The following SLC2A8 variants were observed in gnomAD, a reference collection of about 807,000 sequenced individuals.
SLC2A8 encodes solute carrier family 2 member 8, also known as solute carrier family 2, facilitated glucose transporter member 8.
SLC2A8 carries 53 observed loss-of-function variants against 49.2 expected under a neutral mutation model. The ratio of observed to expected loss-of-function variants is 1.08; its 90% confidence interval spans 0.86 to 1.35. SLC2A8 has a LOEUF of 1.35. Among genes scored for constraint, SLC2A8 ranks in the 40% most tolerant of loss-of-function variants. The pLI, the probability that SLC2A8 is intolerant of heterozygous loss-of-function variation, is 0.00. For missense variants in SLC2A8, 688 were observed against 671.7 expected, an observed-to-expected ratio of 1.02 and a Z score of -0.27; for synonymous variants, 299 against 297.0, an observed-to-expected ratio of 1.01 and a Z score of -0.07.
intron 2 of SLC2A8, among the ~76,000 whole-genome samples, 166 bp downstream of exon 2, chr9:127,397,704 C>T (rs533721268): frequency 7.9e-4 from 120 of 152,186 alleles, no homozygotes; most frequent in African/African-American, 2.8e-3. Flanking sequence ...CCCCCCATCC[C>T]TTCCCTCGGG....
chr9:127,406,965 C>A, intron 9 of SLC2A8, 147 bp from the exon 10 acceptor site: 2 of 841,324 alleles, frequency 2.4e-6, no homozygotes, highest in African/African-American at 1.7e-5. Flanking sequence ...TGTCCCAGAG[C>A]TGGGTGGAGA....
Position 127,399,060 on chromosome 9 carries a change from A to T in SLC2A8, c.427-847A>T, listed in dbSNP as rs1178811719. On this transcript the variant is annotated intron_variant, in intron 3 of 9. Coordinates refer to ENST00000373371, the MANE Select transcript of SLC2A8 (RefSeq NM_014580.5). The surrounding 1 kb of genome is among the most constrained non-coding windows in gnomAD (Gnocchi z 4.2). ...CACACCTGTGTTAGGGGCCTAAGCT[A>T]TGGAATAACCTTAGATGCATGGGTG... 6.6e-6 allele frequency among the ~76,000 whole-genome samples: 1 copy of T among 152,166 alleles called. No homozygotes were observed. Among genetic ancestry groups the T allele is most frequent in the Non-Finnish European group, 1.5e-5 (1 of 68,028 alleles).
At position 127,406,205 on chromosome 9, in the gene SLC2A8, C is replaced by T. The variant is rs140605223; in HGVS notation, c.1296+640C>T. 4.0e-3 allele frequency among the ~76,000 whole-genome samples: 604 copies of T among 152,302 alleles called. 3 individuals carry two copies. The highest frequency in any genetic ancestry group is 6.5e-3 in the Non-Finnish European group (442 of 68,028). ...GGCCCATTCAAGGCGCCAGGGAGAGCAATGAACAAGATGGACAGGGTCCCC... is the reference window on the plus strand; with the variant it reads ...GGCCCATTCAAGGCGCCAGGGAGAGTAATGAACAAGATGGACAGGGTCCCC... On this transcript the variant is annotated intron_variant, in intron 9 of 9. Coordinates refer to ENST00000373371, the MANE Select transcript of SLC2A8 (RefSeq NM_014580.5).
At chr9:127,404,478 G>A (rs995641540) in intron 7 of SLC2A8, 17 of 315,864 alleles carry the variant, frequency 5.4e-5, no homozygotes, top group African/African-American at 2.6e-4. Flanking sequence ...GGTGATCCAC[G>A]TGAGGCCTTC....
chr9:127,406,538 A>C lies in SLC2A8; in HGVS notation c.1297-574A>C, dbSNP rs374586720. On this transcript the variant is annotated intron_variant, in intron 9 of 9. Transcript: ENST00000373371. ...AGAAAATGTCCAAGAGGCCAAGAGAAGGCCTTCGAGGAGGGAGAGATCGCC... is the reference window on the plus strand; with the variant it reads ...AGAAAATGTCCAAGAGGCCAAGAGACGGCCTTCGAGGAGGGAGAGATCGCC... 9.9e-4 allele frequency among the ~76,000 whole-genome samples: 137 copies of C among 138,474 alleles called. 1 individual carries two copies. The highest frequency in any genetic ancestry group is 3.5e-3 in the African/African-American group (134 of 38,684). 90.8% of individuals were successfully genotyped at this position (138,474 alleles called of 152,430 possible).
At chr9:127,401,494 T>C (rs1833289761) in intron 4 of SLC2A8, among the ~76,000 whole-genome samples, 1 of 152,240 alleles carries the variant, frequency 6.6e-6, no homozygotes, top group Admixed American at 6.5e-5. Flanking sequence ...CTGCCAGCGA[T>C]CTGGCTACCT....
intron 4 of SLC2A8, among the ~76,000 whole-genome samples, chr9:127,400,225 G>C (rs552260479): frequency 2.9e-4 from 44 of 149,652 alleles, no homozygotes; most frequent in African/African-American, 1.0e-3. Context: ...GAGTGCAGTG[G>C]TGGCTCTCTG....
At position 127,397,951 on chromosome 9, in the gene SLC2A8, G is replaced by A. The variant is rs1044387715; in HGVS notation, c.266G>A (p.Trp89Ter). The A allele has an allele frequency of 2.6e-6, 4 of 1,534,346 alleles. No homozygotes were observed. The African/African-American group carries it at 5.5e-5, about 21-fold the overall frequency. Residue 89 changes from tryptophan to a stop codon, truncating the protein, a stop_gained, in exon 3 of 10, where the codon TGG becomes TAG. Coordinates refer to ENST00000373371, the MANE Select transcript of SLC2A8 (RefSeq NM_014580.5). LOFTEE classifies it high-confidence loss of function. Reference protein sequence around the residue: ...GAAAGGVLGGWLVDRAGRKLS... With the variant: ...GAAAGGVLGG The stretch of plus-strand genomic sequence containing the variant: ...GCGGCGGGGGGAGTGCTGGGCGGCT[G>A]GCTGGTGGACCGCGCCGGGCGCAAG...
At position 127,398,089 on chromosome 9, in the gene SLC2A8, G is replaced by A. The variant is rs532341175; in HGVS notation, c.404G>A (p.Gly135Asp). The A allele has an allele frequency of 1.6e-5, 26 of 1,584,086 alleles. No homozygotes were observed. The African/African-American group carries it at 3.1e-4, about 19-fold the overall frequency. The change falls in exon 3 of 10, where the codon GGT (glycine) becomes GAT (aspartate). Residue 135 changes from glycine to aspartate, a missense_variant. By Grantham distance (94) the Gly-to-Asp change is moderately conservative. Transcript: ENST00000373371. The stretch of plus-strand genomic sequence containing the variant: ...CGCCTCCTCACCGGCCTGGCCTGCG[G>A]TGTTGCCTCCCTAGTGGCCCCGGTG... ...GGRLLTGLAC[G>D]VASLVAPVYI...
chr9:127,397,815 T>C (rs868589789), intron 2 of SLC2A8, 90 bp from the exon 3 acceptor site: 228 of 1,313,468 alleles, frequency 1.7e-4, no homozygotes, highest in Middle Eastern at 8.1e-4. Flanking sequence ...GGGCCCCGGC[T>C]CTTTTACCTC....
intron 8 of SLC2A8, 96 bp downstream of exon 8, chr9:127,405,087 ACCTCT>A: frequency 7.5e-7 from 1 of 1,331,924 alleles, no homozygotes; most frequent in Non-Finnish European, 1.0e-6. Flanking sequence ...CCCCAGCCTC[ACCTCT>A]CCTCTCGTAA....
chr9:127,404,981 C>A lies in SLC2A8; in HGVS notation c.1140C>A (p.Leu380=). 1 of 1,599,854 alleles carries A rather than the reference C, an allele frequency of 6.3e-7. No homozygotes were observed. Among genetic ancestry groups the A allele is most frequent in the Non-Finnish European group, 8.5e-7 (1 of 1,173,100 alleles). The change falls in exon 8 of 10, where the codon CTC becomes CTA. Residue 380 remains leucine, a synonymous_variant. Coordinates refer to ENST00000373371, the MANE Select transcript of SLC2A8 (RefSeq NM_014580.5). The part of the protein sequence containing the change: ...LAWLAVGSMC[L]FIAGFAVGWG... Reference sequence around the variant, plus strand: ...GGCTGGCCGTGGGCAGCATGTGCCTCTTCATCGCCGGTAAGGGGGCCTGTG... The same window carrying A: ...GGCTGGCCGTGGGCAGCATGTGCCTATTCATCGCCGGTAAGGGGGCCTGTG...
In SLC2A8 at chr9:127,407,623, C is replaced by T. The variant is rs1349737127; in HGVS notation, c.*374C>T. 7 of 357,678 alleles carry T rather than the reference C, an allele frequency of 2.0e-5. No homozygotes were observed. The highest frequency in any genetic ancestry group is 4.6e-5 in the South Asian group (2 of 43,230). The allele number at this position is 357,678 out of a possible 1,614,324, so 22.2% of individuals were successfully genotyped here. A position where few individuals can be genotyped will look rare whatever the true frequency, so the allele number is the denominator to read the frequency against. ...CGCTCCTCTCACGCGGCTGCCTTAT[C>T]GGGAAGGAAATTTGTTTGCCAAATA... On this transcript the variant is annotated 3_prime_UTR_variant, in exon 10 of 10. Transcript: ENST00000373371.
At position 127,399,794 on chromosome 9, in the gene SLC2A8, C is replaced by A; in HGVS notation, c.427-113C>A. On this transcript the variant is annotated intron_variant, in intron 3 of 9. Transcript: ENST00000373371. The surrounding 1 kb of genome is among the most constrained non-coding windows in gnomAD (Gnocchi z 4.2). ...TGGGGTTTCTCCCTGTTGGTCAGGCCAGTCTCAAACTCCCAACCTCTGGTG... is the reference window on the plus strand; with the variant it reads ...TGGGGTTTCTCCCTGTTGGTCAGGCAAGTCTCAAACTCCCAACCTCTGGTG... 1 of 777,174 alleles carries A rather than the reference C, an allele frequency of 1.3e-6. No homozygotes were observed. The highest frequency in any genetic ancestry group is 2.2e-6 in the Non-Finnish European group (1 of 463,132). The allele number at this position is 777,174 out of a possible 1,614,324, so 48.1% of individuals were successfully genotyped here.
intron 5 of SLC2A8, chr9:127,403,218 A>G (rs1017486249): frequency 1.9e-5 from 3 of 158,980 alleles, no homozygotes; most frequent in Non-Finnish European, 3.7e-5. Context: ...GGTGGGACTC[A>G]GTGGGGGAAA....
rs1833050297 is a variant in SLC2A8 at position 127,397,196 on chromosome 9, G to T, written c.-35G>T. On this transcript the variant is annotated 5_prime_UTR_variant, in exon 1 of 10. Transcript: ENST00000373371. ...ACTCGCAGGGCCCGTGGCGGTTCAGGCGCCAGAGCTGGCCGATCGGCGTTG... is the reference window on the plus strand; with the variant it reads ...ACTCGCAGGGCCCGTGGCGGTTCAGTCGCCAGAGCTGGCCGATCGGCGTTG... 2 of 1,446,792 alleles carry T rather than the reference G, an allele frequency of 1.4e-6. No homozygotes were observed. Among genetic ancestry groups the T allele is most frequent in the Admixed American group, 2.9e-5 (1 of 34,768 alleles). 89.6% of individuals were successfully genotyped at this position (1,446,792 alleles called of 1,614,324 possible). A position where few individuals can be genotyped will look rare whatever the true frequency, so the allele number is the denominator to read the frequency against.
rs942843994 is a variant in SLC2A8 at position 127,402,308 on chromosome 9, T to G, written c.527-249T>G. 43 of 464,294 alleles carry G rather than the reference T, an allele frequency of 9.3e-5. 1 individual carries two copies. The highest frequency in any genetic ancestry group is 5.3e-5 in the South Asian group (1 of 18,754). 28.8% of individuals were successfully genotyped at this position (464,294 alleles called of 1,614,324 possible). Reference sequence around the variant, plus strand: ...TCATTTTTGTGGCTACATAAATGTTTCGTTGAACGGATGCAGCCTAGTAAT... The same window carrying G: ...TCATTTTTGTGGCTACATAAATGTTGCGTTGAACGGATGCAGCCTAGTAAT... On this transcript the variant is annotated intron_variant, in intron 4 of 9. Transcript: ENST00000373371.
At chr9:127,405,389 G>A in intron 8 of SLC2A8, 31 bp from the exon 9 acceptor site, 6 of 1,609,022 alleles carry the variant, frequency 3.7e-6, no homozygotes, top group Non-Finnish European at 4.2e-6. Context: ...TGCGGACCCT[G>A]ATGCCTGTCT....
At position 127,398,116 on chromosome 9, in the gene SLC2A8, G is replaced by A; in HGVS notation, c.426+5G>A. On this transcript the variant is annotated splice_donor_5th_base_variant and intron_variant, in intron 3 of 9. Coordinates refer to ENST00000373371, the MANE Select transcript of SLC2A8 (RefSeq NM_014580.5). ...GTTGCCTCCCTAGTGGCCCCGGTGA[G>A]TGTCCCGTCTCTCGAGTGTCCTGTC... 2 of 1,572,434 alleles carry A rather than the reference G, an allele frequency of 1.3e-6. No individual in the cohort carries two copies. The highest frequency in any genetic ancestry group is 1.3e-5 in the African/African-American group (1 of 74,324).
Sources: allele counts gnomAD v4.1 joint callset (sites outside exome capture counted in the v4.1 genomes callset), GRCh38; gene constraint gnomAD v4.1.1; non-coding constraint Gnocchi (gnomAD v3.1); transcripts MANE v1.5; gene names NCBI Gene and HGNC (gene_info 2026-07-23, HGNC 2026-07-21).